The following TENM1 variants were observed in gnomAD, a reference collection of about 807,000 sequenced individuals.
The protein encoded by TENM1 is teneurin-1.
In TENM1, 35 loss-of-function variants were observed where a neutral mutation model predicts 174.8. That is an observed-to-expected ratio of 0.20 (90% CI 0.15 to 0.27). The LOEUF (loss-of-function observed/expected upper bound fraction) is 0.27. Ranked by LOEUF, TENM1 falls within the 10% of genes least tolerant of loss-of-function variation. The probability of loss-of-function intolerance (pLI) is 1.00; values close to 1 mark genes in which losing one functional copy is unlikely to be tolerated. For missense variants in TENM1, 1,633 were observed against 2,130.1 expected, an observed-to-expected ratio of 0.77 and a Z score of 4.59; for synonymous variants, 781 against 798.7, an observed-to-expected ratio of 0.98 and a Z score of 0.37.
chrX:124,736,641 G>A (rs1228237225), intron 4 of TENM1, among the ~76,000 whole-genome samples: 1 of 112,071 alleles, frequency 8.9e-6, no homozygotes, highest in Non-Finnish European at 1.9e-5. Context: ...CTTTGAGGCT[G>A]CAGTGACAGC....
At chrX:124,690,627 GTGTT>G (rs1204993652) in intron 5 of TENM1, among the ~76,000 whole-genome samples, 1 of 110,068 alleles carries the variant, frequency 9.1e-6, no homozygotes, top group Non-Finnish European at 1.9e-5. Flanking sequence ...CTAATGGAAA[GTGTT>G]TGAGTCATGT....
chrX:124,810,105 A>T (rs964795200), intron 3 of TENM1, among the ~76,000 whole-genome samples: 4 of 111,391 alleles, frequency 3.6e-5, no homozygotes, highest in African/African-American at 1.3e-4. Flanking sequence ...TCACCTTTAC[A>T]TCATACTCAA....
intron 25 of TENM1, among the ~76,000 whole-genome samples, chrX:124,411,359 G>A (rs902811111): frequency 9.0e-6 from 1 of 110,787 alleles, no homozygotes; most frequent in Non-Finnish European, 1.9e-5. Context: ...GTGTGTGCAC[G>A]CACGTGTGTG....
At chrX:124,952,661 C>A (rs1378412113) in intron 1 of TENM1, among the ~76,000 whole-genome samples, 3 of 111,311 alleles carry the variant, frequency 2.7e-5, no homozygotes, top group African/African-American at 9.8e-5. Context: ...TTATAAATAT[C>A]TCAGTTGAAG....
chrX:125,148,052 G>C, the TENM1 span, among the ~76,000 whole-genome samples: 1 of 110,979 alleles, frequency 9.0e-6, no homozygotes, highest in African/African-American at 3.3e-5. Context: ...TCGCATCAGA[G>C]GAAGAAATGT....
upstream of TENM1, among the ~76,000 whole-genome samples, chrX:124,967,102 T>C (rs2058736653): frequency 8.9e-6 from 1 of 111,902 alleles, no homozygotes; most frequent in South Asian, 3.7e-4. Context: ...AAGATGAAGA[T>C]ATTGGAAAAG....
exon 7 of TENM1, chrX:124,653,635 G>T: frequency 1.7e-6 from 2 of 1,210,821 alleles, no homozygotes; most frequent in Non-Finnish European, 2.2e-6. Context: ...CCAGCAGAGA[G>T]TCCTTGGCTA....
chrX:124,507,997 C>T (rs1034649453), intron 18 of TENM1, among the ~76,000 whole-genome samples: 4 of 111,753 alleles, frequency 3.6e-5, no homozygotes, highest in African/African-American at 1.3e-4. Context: ...TCTTCTTCTC[C>T]GAAAGGAATT....
At chrX:124,617,052 T>G (rs1012784944) in intron 11 of TENM1, among the ~76,000 whole-genome samples, 1 of 112,232 alleles carries the variant, frequency 8.9e-6, no homozygotes. Flanking sequence ...TCCACTGTTA[T>G]TAAGATCCTT....
In TENM1 at chrX:124,803,765, C is replaced by A. The variant is rs776498938; in HGVS notation, c.536-66568G>T. Reference sequence around the variant, plus strand: ...AGAAATAGAAAAATTTTTTAAAGGACAAATCAAAATAATCTGACAATCAAT... The same window carrying A: ...AGAAATAGAAAAATTTTTTAAAGGAAAAATCAAAATAATCTGACAATCAAT... On this transcript the variant is annotated intron_variant, in intron 3 of 31. Transcript: ENST00000422452. 4.5e-5 allele frequency among the ~76,000 whole-genome samples: 5 copies of A among 112,032 alleles called. No individual in the cohort carries two copies. In the Admixed American group the frequency reaches 4.7e-4, roughly 11 times the overall value.
intron 11 of TENM1, among the ~76,000 whole-genome samples, chrX:124,566,873 C>G (rs1191419429): frequency 1.8e-5 from 2 of 111,465 alleles, no homozygotes; most frequent in Admixed American, 9.5e-5. Flanking sequence ...ACCTATGGAC[C>G]CTTAGGCAAC....
At chrX:124,950,822 T>A (rs1374250369) in intron 1 of TENM1, among the ~76,000 whole-genome samples, 2 of 111,932 alleles carry the variant, frequency 1.8e-5, no homozygotes, top group African/African-American at 6.5e-5. Flanking sequence ...TAATAAAAAC[T>A]GCATAATTGT....
intron 15 of TENM1, among the ~76,000 whole-genome samples, chrX:124,540,293 T>C (rs958849333): frequency 8.9e-6 from 1 of 111,938 alleles, no homozygotes; most frequent in African/African-American, 3.2e-5. Context: ...GAAAAATGAA[T>C]TGATATTAGG....
the TENM1 span, among the ~76,000 whole-genome samples, chrX:125,072,755 T>C: frequency 9.0e-6 from 1 of 111,495 alleles, no homozygotes; most frequent in East Asian, 2.8e-4. Context: ...GCAGCACTGG[T>C]AAACCTTTCA....
At chrX:124,806,788 C>G (rs2055610838) in intron 3 of TENM1, among the ~76,000 whole-genome samples, 1 of 111,375 alleles carries the variant, frequency 9.0e-6, no homozygotes, top group Admixed American at 9.6e-5. Context: ...AGAAAGTTTA[C>G]AATCATGGTA....
chrX:124,636,988 T>C (rs2050891659), intron 11 of TENM1, among the ~76,000 whole-genome samples: 1 of 112,053 alleles, frequency 8.9e-6, no homozygotes, highest in African/African-American at 3.2e-5. Context: ...ACCATTCATA[T>C]AGTCTCCCAA....
At chrX:124,702,356 G>A (rs1187489447) in intron 5 of TENM1, among the ~76,000 whole-genome samples, 2 of 111,329 alleles carry the variant, frequency 1.8e-5, no homozygotes, top group Non-Finnish European at 3.8e-5. Flanking sequence ...ATAATGTCCA[G>A]TTCATGACAG....
chrX:124,944,447 A>G (rs918220415), intron 1 of TENM1, among the ~76,000 whole-genome samples: 1 of 108,329 alleles, frequency 9.2e-6, no homozygotes, highest in Non-Finnish European at 1.9e-5. Context: ...TAAATAAAAT[A>G]GGGCAATATC....
chrX:125,047,158 A>G, the TENM1 span, among the ~76,000 whole-genome samples: 13 of 111,498 alleles, frequency 1.2e-4, no homozygotes, highest in East Asian at 3.7e-3. Context: ...GCTTTTAGAA[A>G]CAGTTTTTGG....
Sources: allele counts gnomAD v4.1 joint callset (sites outside exome capture counted in the v4.1 genomes callset), GRCh38; gene constraint gnomAD v4.1.1; transcripts MANE v1.5; gene names NCBI Gene and HGNC (gene_info 2026-07-23, HGNC 2026-07-21).